The following TNS1 variants were observed in gnomAD, a reference collection of about 807,000 sequenced individuals.
TNS1 encodes tensin-1.
A neutral mutation model predicts 168.6 loss-of-function variants in TNS1; 62 were observed. That is an observed-to-expected ratio of 0.37 (90% CI 0.30 to 0.45). The LOEUF (loss-of-function observed/expected upper bound fraction) is 0.45, where lower values mean the gene tolerates loss of function less well. Ranked by LOEUF, TNS1 falls within the 20% of genes least tolerant of loss-of-function variation. The pLI, the probability that TNS1 is intolerant of heterozygous loss-of-function variation, is 1.00. For synonymous variants in TNS1, 934 were observed against 933.2 expected, an observed-to-expected ratio of 1.00 and a Z score of -0.02; for missense variants, 2,240 against 2,339.4, an observed-to-expected ratio of 0.96 and a Z score of 0.88.
At chr2:217,816,111 G>T (rs566265318) in intron 24 of TNS1, among the ~76,000 whole-genome samples, 1 of 152,306 alleles carries the variant, frequency 6.6e-6, no homozygotes, top group South Asian at 2.1e-4. Context: ...GGGATGAGAA[G>T]TGACTTGCCC....
chr2:218,014,866 AGGAC>A (rs61462261), upstream of TNS1, among the ~76,000 whole-genome samples: 40,637 of 94,896 alleles, frequency 0.43, 6,555 homozygotes, highest in Middle Eastern at 0.53. Flanking sequence ...GAGGGAAGGA[AGGAC>A]GGAAGGAAGG....
At chr2:217,921,375 A>G (rs1052501973) in intron 3 of TNS1, among the ~76,000 whole-genome samples, 3 of 152,174 alleles carry the variant, frequency 2.0e-5, no homozygotes, top group Non-Finnish European at 4.4e-5. Context: ...CCCACCCACC[A>G]GCCCGGTGGA....
chr2:218,013,443 G>C (rs1174042392), upstream of TNS1, among the ~76,000 whole-genome samples: 1 of 152,138 alleles, frequency 6.6e-6, no homozygotes, highest in Admixed American at 6.5e-5. Flanking sequence ...GCCTGGGCAG[G>C]TTCTGGGCTG....
chr2:217,874,673 G>GT (rs1950064527), intron 18 of TNS1, among the ~76,000 whole-genome samples: 1 of 152,194 alleles, frequency 6.6e-6, no homozygotes, highest in Non-Finnish European at 1.5e-5. Flanking sequence ...AATCATGTCT[G>GT]TATCTTCTCT....
intron 22 of TNS1, chr2:217,829,740 C>CATTAAAAAA: frequency 7.3e-7 from 1 of 1,367,114 alleles, no homozygotes; most frequent in Admixed American, 1.7e-5. Context: ...TCGCCTGAGT[C>CATTAAAAAA]CCAGTGAGGA....
At chr2:217,883,804 T>C (rs1157912963) in intron 16 of TNS1, among the ~76,000 whole-genome samples, 4 of 152,220 alleles carry the variant, frequency 2.6e-5, no homozygotes, top group South Asian at 2.1e-4. Context: ...CCCTTCTACA[T>C]GAGCCAGACC....
At chr2:218,026,596 T>C (rs7605209) in intron 1 of TNS1, among the ~76,000 whole-genome samples, 22,266 of 152,222 alleles carry the variant, frequency 0.15, 1,805 homozygotes, top group South Asian at 0.28. Context: ...AAAAGGTGGC[T>C]GTAGGGCACT....
At chr2:217,929,061 C>T (rs1956179793) in intron 3 of TNS1, among the ~76,000 whole-genome samples, 1 of 152,226 alleles carries the variant, frequency 6.6e-6, no homozygotes, top group Non-Finnish European at 1.5e-5. Context: ...TGGGCAGCTT[C>T]AGTCAGAAGC....
intron 1 of TNS1, among the ~76,000 whole-genome samples, chr2:218,020,700 G>A (rs532981833): frequency 5.6e-4 from 85 of 152,320 alleles, no homozygotes; most frequent in African/African-American, 1.8e-3. Flanking sequence ...CTGGGGGCTA[G>A]CAAAAAGTGA....
intron 6 of TNS1, among the ~76,000 whole-genome samples, chr2:217,901,410 TTTG>T (rs1952961649): frequency 6.6e-6 from 1 of 152,272 alleles, no homozygotes; most frequent in Non-Finnish European, 1.5e-5. Flanking sequence ...AGCTGTTGTT[TTTG>T]TTGTTACTTT....
intron 3 of TNS1, among the ~76,000 whole-genome samples, chr2:217,953,252 G>A (rs544406746): frequency 2.6e-5 from 4 of 152,284 alleles, no homozygotes; most frequent in Admixed American, 6.5e-5. Flanking sequence ...AGGCTGGGGC[G>A]GAAGGGGTGG....
At chr2:217,883,554 C>T (rs1309144032) in intron 16 of TNS1, among the ~76,000 whole-genome samples, 2 of 152,200 alleles carry the variant, frequency 1.3e-5, no homozygotes, top group Non-Finnish European at 2.9e-5. Flanking sequence ...CATGAGCCAC[C>T]GTGCCTGGCC....
At position 217,946,959 on chromosome 2, in the gene TNS1, T is replaced by TCACACACACACACA. The variant is rs1203032369; in HGVS notation, c.187-26724_187-26723insTGTGTGTGTGTGTG. Among the ~76,000 whole-genome samples the TCACACACACACACA allele has an allele frequency of 3.3e-4, 43 of 128,718 alleles. 1 individual carries two copies. Among genetic ancestry groups the TCACACACACACACA allele is most frequent in the African/African-American group, 1.6e-3 (38 of 23,604 alleles). 84.4% of individuals were successfully genotyped at this position (128,718 alleles called of 152,430 possible). ...ATCGCTCTCTCTCTCTCTCTCTCTCTCTCTCTCTCTCACACACACACACAC... is the reference window on the plus strand; with the variant it reads ...ATCGCTCTCTCTCTCTCTCTCTCTCTCACACACACACACACTCTCTCTCTCACACACACACACAC... On this transcript the variant is annotated intron_variant, in intron 3 of 32. Transcript: ENST00000682258.
chr2:217,965,880 C>T (rs1341866563), intron 3 of TNS1, among the ~76,000 whole-genome samples: 1 of 152,110 alleles, frequency 6.6e-6, no homozygotes, highest in Non-Finnish European at 1.5e-5. Flanking sequence ...TTCTGCCCTC[C>T]CCTGGTACCA....
intron 18 of TNS1, chr2:217,858,426 C>T: frequency 6.3e-6 from 5 of 792,224 alleles, no homozygotes; most frequent in Non-Finnish European, 7.7e-6. Flanking sequence ...AGCACCCCAG[C>T]CCAGATCCAG....
At chr2:217,852,837 T>C (rs1202900655) in intron 18 of TNS1, among the ~76,000 whole-genome samples, 1 of 152,194 alleles carries the variant, frequency 6.6e-6, no homozygotes, top group Non-Finnish European at 1.5e-5. Context: ...TAACTCCTGT[T>C]CGCTAACTAC....
At position 217,882,425 on chromosome 2, in the gene TNS1, A is replaced by C; in HGVS notation, c.1247-14T>G. The C allele has an allele frequency of 6.3e-7, 1 of 1,586,294 alleles. No individual in the cohort carries two copies. Among genetic ancestry groups the C allele is most frequent in the Non-Finnish European group, 8.5e-7 (1 of 1,170,070 alleles). ...GAAATCGATCATCTGGAAAAAGAGAAGGAAAAATAAAAATAGGCAAAAAGT... is the reference window on the plus strand; with the variant it reads ...GAAATCGATCATCTGGAAAAAGAGACGGAAAAATAAAAATAGGCAAAAAGT... On this transcript the variant is annotated splice_polypyrimidine_tract_variant and intron_variant, in intron 16 of 32. Coordinates refer to ENST00000682258, the MANE Select transcript of TNS1 (RefSeq NM_001387777.1).
rs548097962 is a variant in TNS1 at position 217,901,673 on chromosome 2, C to T, written c.322-1161G>A. 3.3e-5 allele frequency: 5 copies of T among 152,330 alleles called. No individual in the cohort carries two copies. The South Asian group carries it at 1.0e-3, about 32-fold the overall frequency. The allele number at this position is 152,330 out of a possible 1,614,324, so 9.4% of individuals were successfully genotyped here. A position where few individuals can be genotyped will look rare whatever the true frequency, so the allele number is the denominator to read the frequency against. On this transcript the variant is annotated intron_variant, in intron 6 of 32. Transcript: ENST00000682258. ...TTTAAAGAGACAGGACCACAATCTG[C>T]CAAGAAAGGAAGAAACTGAGGCACA...
chr2:217,831,418 CT>C lies in TNS1; in HGVS notation c.3373+36del, dbSNP rs1559188718. On this transcript the variant is annotated intron_variant, in intron 22 of 32. Coordinates refer to ENST00000682258, the MANE Select transcript of TNS1 (RefSeq NM_001387777.1). ...CAGAACCACAGGAGTCCTCCTCCCC[CT>C]GGCCCCCCTCCCCATCTTCCCTCTT... The C allele has an allele frequency of 3.9e-6, 6 of 1,525,696 alleles. No homozygotes were observed. In the Admixed American group the frequency reaches 6.1e-5, roughly 15 times the overall value. 94.5% of individuals were successfully genotyped at this position (1,525,696 alleles called of 1,614,324 possible). A position where few individuals can be genotyped will look rare whatever the true frequency, so the allele number is the denominator to read the frequency against.
Sources: allele counts gnomAD v4.1 joint callset (sites outside exome capture counted in the v4.1 genomes callset), GRCh38; gene constraint gnomAD v4.1.1; transcripts MANE v1.5; gene names NCBI Gene and HGNC (gene_info 2026-07-23, HGNC 2026-07-21).